Variants in DLGAP1 observed in about 807,000 individuals in gnomAD.
The protein encoded by DLGAP1 is DLG associated protein 1.
In DLGAP1, 11 loss-of-function variants were observed where a neutral mutation model predicts 90.8. The ratio of observed to expected loss-of-function variants is 0.12; its 90% CI spans 0.08 to 0.20. The LOEUF (loss-of-function observed/expected upper bound fraction) is 0.20, where lower values mean the gene tolerates loss of function less well. DLGAP1 is among the 10% of genes least tolerant of loss of function. The pLI is 1.00. For missense variants in DLGAP1, 1,050 were observed against 1,333.8 expected, an observed-to-expected ratio of 0.79 and a Z score of 3.31; for synonymous variants, 558 against 540.7, an observed-to-expected ratio of 1.03 and a Z score of -0.44.
At chr18:4,209,610 T>A (rs2144876318) in intron 1 of DLGAP1, among the ~76,000 whole-genome samples, 1 of 152,334 alleles carries the variant, frequency 6.6e-6, no homozygotes, top group Non-Finnish European at 1.5e-5. Context: ...TTTGTTTATA[T>A]CAAATGTAAA....
intron 7 of DLGAP1, among the ~76,000 whole-genome samples, chr18:3,617,233 A>C (rs2057906063): frequency 6.6e-6 from 1 of 152,190 alleles, no homozygotes; most frequent in Non-Finnish European, 1.5e-5. Context: ...CAAACTAGTG[A>C]GTGGCAGAGA....
intron 2 of DLGAP1, among the ~76,000 whole-genome samples, chr18:4,019,900 A>C (rs1413427240): frequency 1.3e-5 from 2 of 152,192 alleles, no homozygotes; most frequent in African/African-American, 4.8e-5. Flanking sequence ...TGACCTATAA[A>C]GGGCATATAA....
At chr18:4,106,754 T>C (rs1568400270) in intron 2 of DLGAP1, among the ~76,000 whole-genome samples, 2 of 152,220 alleles carry the variant, frequency 1.3e-5, no homozygotes, top group African/African-American at 2.4e-5. Context: ...AGGAGGACTT[T>C]CACCAAAGCT....
intron 2 of DLGAP1, among the ~76,000 whole-genome samples, chr18:4,092,456 C>A (rs953036439): frequency 7.9e-5 from 12 of 152,128 alleles, no homozygotes; most frequent in Non-Finnish European, 1.2e-4. Context: ...TGGTAGATCT[C>A]CCATGAGAGA....
chr18:4,192,271 T>C (rs1037760660), intron 1 of DLGAP1, among the ~76,000 whole-genome samples: 7 of 152,142 alleles, frequency 4.6e-5, no homozygotes, highest in Non-Finnish European at 1.0e-4. Context: ...TTAAAGTGCC[T>C]GATGAGCCAG....
chr18:4,322,511 C>T (rs947653809), intron 1 of DLGAP1, among the ~76,000 whole-genome samples: 3 of 152,130 alleles, frequency 2.0e-5, no homozygotes, highest in Non-Finnish European at 4.4e-5. Flanking sequence ...GGATTAAATA[C>T]TTAAACGTAA....
At chr18:3,964,782 G>A (rs1410591179) in intron 3 of DLGAP1, among the ~76,000 whole-genome samples, 8 of 152,160 alleles carry the variant, frequency 5.3e-5, no homozygotes, top group African/African-American at 9.7e-5. Context: ...TATCAATCAA[G>A]GGTTTTTAAG....
At chr18:3,537,602 A>C (rs568611045) in intron 9 of DLGAP1, among the ~76,000 whole-genome samples, 1 of 152,204 alleles carries the variant, frequency 6.6e-6, no homozygotes, top group Non-Finnish European at 1.5e-5. Flanking sequence ...TGAGTCACTG[A>C]TTTCAATTAT....
chr18:4,226,958 A>C (rs1257508369), intron 1 of DLGAP1, among the ~76,000 whole-genome samples: 1 of 151,954 alleles, frequency 6.6e-6, no homozygotes, highest in East Asian at 1.9e-4. Flanking sequence ...TGTTGCCTAC[A>C]AGAAGGGCAC....
rs2315571 is a variant in DLGAP1 at position 4,139,912 on chromosome 18, A to G, written c.-159+11268T>C. Among the ~76,000 whole-genome samples, 261 of 152,040 alleles carry G rather than the reference A, an allele frequency of 1.7e-3. 1 individual carries two copies. Among genetic ancestry groups the G allele is most frequent in the African/African-American group, 5.9e-3 (243 of 41,528 alleles). ...TTTTTGTCTTGAAAGCTATTTTGATATAACTATAGCTACTCCTGTACTTTT... is the reference window on the plus strand; with the variant it reads ...TTTTTGTCTTGAAAGCTATTTTGATGTAACTATAGCTACTCCTGTACTTTT... On this transcript the variant is annotated intron_variant, in intron 2 of 12. Coordinates refer to ENST00000315677, the MANE Select transcript of DLGAP1 (RefSeq NM_004746.4).
chr18:3,999,842 C>T lies in DLGAP1; in HGVS notation c.-73+5274G>A, dbSNP rs116809629. Among the ~76,000 whole-genome samples, 1,421 of 152,220 alleles carry T rather than the reference C, an allele frequency of 9.3e-3. 23 individuals are homozygous for T. Among genetic ancestry groups the T allele is most frequent in the African/African-American group, 0.031 (1,275 of 41,540 alleles). ...GTGTTTTCTTTCTGAGACAGGGTCT[C>T]GCTCTGTCATCTAGGCTAAAGTGCA... is the stretch of plus-strand genomic sequence containing the variant. On this transcript the variant is annotated intron_variant, in intron 3 of 12. Coordinates refer to ENST00000315677, the MANE Select transcript of DLGAP1 (RefSeq NM_004746.4).
chr18:3,537,470 C>G (rs1419105480), intron 9 of DLGAP1, among the ~76,000 whole-genome samples: 1 of 152,072 alleles, frequency 6.6e-6, no homozygotes, highest in Non-Finnish European at 1.5e-5. Flanking sequence ...AATAGTATTC[C>G]CATTGTATGT....
chr18:3,736,476 G>A (rs1162010327), intron 6 of DLGAP1, among the ~76,000 whole-genome samples: 1 of 152,060 alleles, frequency 6.6e-6, no homozygotes, highest in Non-Finnish European at 1.5e-5. Flanking sequence ...CAACTTTCTA[G>A]GAGCCTTTGA....
chr18:3,908,352 A>G (rs533820948), intron 3 of DLGAP1, among the ~76,000 whole-genome samples: 1 of 152,318 alleles, frequency 6.6e-6, no homozygotes, highest in East Asian at 1.9e-4. Context: ...AAAAGTATGC[A>G]CTCATAGTTT....
intron 7 of DLGAP1, among the ~76,000 whole-genome samples, chr18:3,671,186 T>C (rs1197662156): frequency 4.3e-5 from 1 of 23,366 alleles, no homozygotes; most frequent in Admixed American, 4.6e-4. Context: ...CTTTGCTGCT[T>C]TTTTTTTTTT....
intron 7 of DLGAP1, among the ~76,000 whole-genome samples, chr18:3,623,492 G>A (rs1313370131): frequency 1.3e-5 from 2 of 152,134 alleles, no homozygotes; most frequent in Non-Finnish European, 2.9e-5. Context: ...AAGGCCGTGT[G>A]AAAAGGAAAA....
At position 4,253,077 on chromosome 18, in the gene DLGAP1, G is replaced by A. The variant is rs575969781; in HGVS notation, c.-266-101790C>T. Among the ~76,000 whole-genome samples the A allele has an allele frequency of 3.9e-5, 6 of 152,292 alleles. No homozygotes were observed. In the East Asian group the frequency reaches 1.2e-3, roughly 29 times the overall value. ...CTGCAGTATGCGGTGTTACGTAGCT[G>A]TATATCAGCATACTCACCAACTCTC... On this transcript the variant is annotated intron_variant, in intron 1 of 12. Coordinates refer to ENST00000315677, the MANE Select transcript of DLGAP1 (RefSeq NM_004746.4).
intron 2 of DLGAP1, among the ~76,000 whole-genome samples, chr18:4,043,784 C>T (rs1408138123): frequency 6.6e-6 from 1 of 152,098 alleles, no homozygotes; most frequent in Non-Finnish European, 1.5e-5. Context: ...TTCAAGGATA[C>T]ATTGGAGCAA....
chr18:4,018,518 C>T lies in DLGAP1; in HGVS notation c.-158-13317G>A, dbSNP rs73380533. ...CTTGGCTCTGAAGGAGTATCTGGGT[C>T]GCCAACTACAGCATCCGCTAAAACC... On this transcript the variant is annotated intron_variant, in intron 2 of 12. Transcript: ENST00000315677. 2.9e-3 allele frequency among the ~76,000 whole-genome samples: 449 copies of T among 152,296 alleles called. 1 individual carries two copies. Among genetic ancestry groups the T allele is most frequent in the African/African-American group, 9.3e-3 (386 of 41,572 alleles).
Sources: allele counts gnomAD v4.1 joint callset (sites outside exome capture counted in the v4.1 genomes callset), GRCh38; gene constraint gnomAD v4.1.1; transcripts MANE v1.5; gene names NCBI Gene and HGNC (gene_info 2026-07-23, HGNC 2026-07-21).